The following CCBE1 variants were observed in gnomAD, a reference collection of about 807,000 sequenced individuals.
The protein encoded by CCBE1 is collagen and calcium-binding EGF domain-containing protein 1.
A neutral mutation model predicts 50.0 loss-of-function variants in CCBE1; 37 were observed. That is an observed-to-expected ratio of 0.74 (90% CI 0.57 to 0.97). CCBE1 has a LOEUF of 0.97. Ranked by LOEUF, CCBE1 falls within the 50% of genes least tolerant of loss-of-function variation. CCBE1 has a pLI of 0.00. For synonymous variants in CCBE1, 234 were observed against 203.7 expected (o/e 1.15, Z -1.27); for missense variants, 538 against 523.8 (o/e 1.03, Z -0.26).
rs372873551 is a variant in CCBE1 at position 59,437,826 on chromosome 18, C to T, written c.987+285G>A. Reference sequence around the variant, plus strand: ...AATGTTTTATGATAATACTTGGAAACAGACTCATGGCATAGCAGGGTTTTG... The same window carrying T: ...AATGTTTTATGATAATACTTGGAAATAGACTCATGGCATAGCAGGGTTTTG... On this transcript the variant is annotated intron_variant, in intron 10 of 10. Coordinates refer to ENST00000439986, the MANE Select transcript of CCBE1 (RefSeq NM_133459.4). 1.5e-4 allele frequency among the ~76,000 whole-genome samples: 23 copies of T among 152,324 alleles called. No individual in the cohort carries two copies. The East Asian group carries it at 3.5e-3, about 23-fold the overall frequency.
At chr18:59,495,761 G>A (rs1913327396) in intron 2 of CCBE1, among the ~76,000 whole-genome samples, 1 of 152,138 alleles carries the variant, frequency 6.6e-6, no homozygotes, top group African/African-American at 2.4e-5. Flanking sequence ...CGCACAGTAA[G>A]TTCGGTATGA....
intron 2 of CCBE1, among the ~76,000 whole-genome samples, chr18:59,544,896 A>C (rs968860662): frequency 5.9e-5 from 9 of 152,244 alleles, no homozygotes; most frequent in Non-Finnish European, 1.3e-4. Context: ...TTAGCACAAT[A>C]TCAGGTAGAG....
chr18:59,479,692 G>A (rs1358619174), intron 3 of CCBE1, among the ~76,000 whole-genome samples: 1 of 152,156 alleles, frequency 6.6e-6, no homozygotes, highest in Non-Finnish European at 1.5e-5. Context: ...TCCCCATCCT[G>A]GCTTCTCAAC....
intron 2 of CCBE1, among the ~76,000 whole-genome samples, chr18:59,551,754 C>G (rs573840237): frequency 6.6e-6 from 1 of 152,138 alleles, no homozygotes; most frequent in Non-Finnish European, 1.5e-5. Context: ...CATGGACAAA[C>G]GAAGGGGAAT....
At position 59,550,960 on chromosome 18, in the gene CCBE1, G is replaced by A. The variant is rs1314535074; in HGVS notation, c.213-70722C>T. On this transcript the variant is annotated intron_variant, in intron 2 of 10. Transcript: ENST00000439986. ...GCGGAGCTTGCACTGAGCTGAGATCGCGCCACTGCACTCCAGCCTGGGCAA... is the reference window on the plus strand; with the variant it reads ...GCGGAGCTTGCACTGAGCTGAGATCACGCCACTGCACTCCAGCCTGGGCAA... Among the ~76,000 whole-genome samples, 38 of 125,272 alleles carry A rather than the reference G, an allele frequency of 3.0e-4. 1 individual carries two copies. The highest frequency in any genetic ancestry group is 6.2e-4 in the Admixed American group (6 of 9,752). The allele number at this position is 125,272 out of a possible 152,430, so 82.2% of individuals were successfully genotyped here.
At chr18:59,530,831 C>T (rs1257670896) in intron 2 of CCBE1, among the ~76,000 whole-genome samples, 1 of 152,222 alleles carries the variant, frequency 6.6e-6, no homozygotes, top group Non-Finnish European at 1.5e-5. Context: ...TCTTAAATAT[C>T]TTATTAATCA....
intron 2 of CCBE1, among the ~76,000 whole-genome samples, chr18:59,503,229 G>A (rs977202821): frequency 3.9e-5 from 6 of 152,214 alleles, no homozygotes; most frequent in African/African-American, 7.2e-5. Context: ...CTTAGGCAGC[G>A]AGCTAGAAAT....
intron 2 of CCBE1, among the ~76,000 whole-genome samples, chr18:59,543,854 A>AAAAAC (rs1915579465): frequency 1.3e-5 from 2 of 151,248 alleles, no homozygotes; most frequent in African/African-American, 4.9e-5. Context: ...AAAAAAAAAA[A>AAAAAC]AAAACAGAAA....
chr18:59,627,993 G>A (rs532843848), intron 2 of CCBE1, among the ~76,000 whole-genome samples: 3 of 152,240 alleles, frequency 2.0e-5, no homozygotes, highest in African/African-American at 7.2e-5. Flanking sequence ...TGGGCAGATC[G>A]CTTGAGCCCA....
chr18:59,692,756 T>C (rs746709339), intron 2 of CCBE1, among the ~76,000 whole-genome samples: 14 of 152,084 alleles, frequency 9.2e-5, no homozygotes, highest in Admixed American at 7.2e-4. Context: ...CATGGGAACA[T>C]TGAGCTGCCC....
At chr18:59,678,706 A>C (rs575603287) in intron 2 of CCBE1, among the ~76,000 whole-genome samples, 20 of 152,146 alleles carry the variant, frequency 1.3e-4, no homozygotes, top group African/African-American at 4.6e-4. Context: ...CTAACTTTTG[A>C]ACTTTTAATA....
intron 2 of CCBE1, among the ~76,000 whole-genome samples, chr18:59,657,401 C>T (rs188541060): frequency 3.9e-5 from 6 of 152,346 alleles, no homozygotes; most frequent in African/African-American, 2.4e-5. Flanking sequence ...CGAAGACCAA[C>T]GTCCCTGCCT....
intron 2 of CCBE1, among the ~76,000 whole-genome samples, chr18:59,539,094 T>TGAG (rs1298135413): frequency 6.6e-6 from 1 of 151,982 alleles, no homozygotes; most frequent in Non-Finnish European, 1.5e-5. Context: ...GAGGACCGCT[T>TGAG]GAGCCCAAGA....
intron 2 of CCBE1, among the ~76,000 whole-genome samples, chr18:59,610,230 T>C (rs2053550902): frequency 6.6e-6 from 1 of 152,208 alleles, no homozygotes; most frequent in African/African-American, 2.4e-5. Context: ...GCAGGTGCAT[T>C]AGCTTTATTG....
intron 9 of CCBE1, among the ~76,000 whole-genome samples, chr18:59,439,110 C>A (rs1910293808): frequency 2.0e-5 from 3 of 152,046 alleles, no homozygotes; most frequent in Admixed American, 2.0e-4. Flanking sequence ...CACGATGAAA[C>A]CCTGTCTCTA....
chr18:59,471,102 T>C (rs528638924), intron 3 of CCBE1, among the ~76,000 whole-genome samples: 2 of 152,292 alleles, frequency 1.3e-5, no homozygotes, highest in South Asian at 4.1e-4. Context: ...GCTCTGAGCT[T>C]CCCTGTTGGC....
intron 5 of CCBE1, among the ~76,000 whole-genome samples, chr18:59,461,947 T>C (rs1198846935): frequency 1.3e-5 from 2 of 152,150 alleles, no homozygotes; most frequent in East Asian, 3.8e-4. Context: ...TTGGCCAGGC[T>C]GGTCTTGAAC....
At chr18:59,598,936 G>A (rs150693232) in intron 2 of CCBE1, among the ~76,000 whole-genome samples, 1 of 152,256 alleles carries the variant, frequency 6.6e-6, no homozygotes, top group African/African-American at 2.4e-5. Flanking sequence ...ACACAGAGGT[G>A]GGCAGAGACC....
intron 2 of CCBE1, among the ~76,000 whole-genome samples, chr18:59,491,051 C>A: frequency 6.6e-6 from 1 of 152,154 alleles, no homozygotes. Context: ...GATCCAACAC[C>A]CAAAGACCTG....
Sources: allele counts gnomAD v4.1 joint callset (sites outside exome capture counted in the v4.1 genomes callset), GRCh38; gene constraint gnomAD v4.1.1; transcripts MANE v1.5; gene names NCBI Gene and HGNC (gene_info 2026-07-23, HGNC 2026-07-21).